Variants in FHIP1A observed in about 807,000 individuals in gnomAD.
FHIP1A encodes FHF complex subunit HOOK-interacting protein 1A.
FHIP1A carries 61 observed loss-of-function variants against 88.6 expected under a neutral mutation model. The observed-to-expected ratio is 0.69, with a 90% CI of 0.56 to 0.85. The LOEUF is 0.85. Among genes scored for constraint, FHIP1A ranks in the 40% least tolerant of loss-of-function variants. FHIP1A has a pLI of 0.00. For missense variants in FHIP1A, 1,154 were observed against 1,273.5 expected, an observed-to-expected ratio of 0.91 and a Z score of 1.43; for synonymous variants, 478 against 496.0, an observed-to-expected ratio of 0.96 and a Z score of 0.48.
chr4:151,635,103 T>C (rs1736300138), intron 8 of FHIP1A, among the ~76,000 whole-genome samples: 2 of 151,802 alleles, frequency 1.3e-5, no homozygotes, highest in Non-Finnish European at 3.0e-5. Flanking sequence ...AATATTTCTA[T>C]GAAGAAGACT....
At chr4:151,613,615 G>A (rs1184664779) in intron 7 of FHIP1A, among the ~76,000 whole-genome samples, 1 of 152,316 alleles carries the variant, frequency 6.6e-6, no homozygotes, top group East Asian at 1.9e-4. Flanking sequence ...CTCCATCAGT[G>A]AAATATCTTA....
rs56199696 is a variant in FHIP1A at position 151,445,849 on chromosome 4, AAT to A, written c.-355-8829_-355-8828del. On this transcript the variant is annotated intron_variant, in intron 1 of 13. Coordinates refer to ENST00000435205, the MANE Select transcript of FHIP1A (RefSeq NM_001109977.3). ...CAGCCTGAGAGACCTCATCTCTTAA[AAT>A]ATATATATATATATATATATATTTC... 2.2e-3 allele frequency among the ~76,000 whole-genome samples: 217 copies of A among 97,936 alleles called. 9 individuals carry two copies. Among genetic ancestry groups the A allele is most frequent in the Middle Eastern group, 0.019 (4 of 206 alleles). 64.2% of individuals were successfully genotyped at this position (97,936 alleles called of 152,430 possible).
intron 3 of FHIP1A, among the ~76,000 whole-genome samples, chr4:151,519,133 A>T (rs971744709): frequency 6.6e-6 from 1 of 152,180 alleles, no homozygotes; most frequent in African/African-American, 2.4e-5. Context: ...ATATTTGCTG[A>T]ATTTTAATAA....
At chr4:151,571,169 C>CT (rs1403526908) in intron 4 of FHIP1A, among the ~76,000 whole-genome samples, 1 of 152,216 alleles carries the variant, frequency 6.6e-6, no homozygotes, top group African/African-American at 2.4e-5. Flanking sequence ...CTATCTGCTC[C>CT]TTTCAAGCAT....
At chr4:151,426,341 A>G (rs1580550213) in intron 1 of FHIP1A, among the ~76,000 whole-genome samples, 1 of 152,184 alleles carries the variant, frequency 6.6e-6, no homozygotes, top group South Asian at 2.1e-4. Context: ...GATAAATGCA[A>G]CGCTTAATTT....
intron 7 of FHIP1A, among the ~76,000 whole-genome samples, chr4:151,628,426 C>T (rs2126875173): frequency 6.6e-6 from 1 of 152,058 alleles, no homozygotes; most frequent in Middle Eastern, 3.4e-3. Context: ...GATGCATCCA[C>T]TCAGGGCTCA....
At chr4:151,588,767 A>G (rs1734313039) in intron 6 of FHIP1A, 73 bp from the exon 7 acceptor site, 1 of 975,568 alleles carries the variant, frequency 1.0e-6, no homozygotes, top group Non-Finnish European at 1.6e-6. Context: ...CAGGATGTAC[A>G]CAGAATTGTT....
At chr4:151,624,938 G>A (rs1481459493) in intron 7 of FHIP1A, among the ~76,000 whole-genome samples, 10 of 152,156 alleles carry the variant, frequency 6.6e-5, no homozygotes, top group Admixed American at 1.3e-4. Flanking sequence ...GAACCAGGGC[G>A]TCTGTCTTCC....
At chr4:151,417,065 G>A (rs1182868105) in intron 1 of FHIP1A, among the ~76,000 whole-genome samples, 1 of 152,162 alleles carries the variant, frequency 6.6e-6, no homozygotes, top group Non-Finnish European at 1.5e-5. Context: ...TGTTACCAGT[G>A]GAGGGTGTGC....
intron 1 of FHIP1A, among the ~76,000 whole-genome samples, chr4:151,449,886 T>A (rs1728733467): frequency 6.6e-6 from 1 of 152,224 alleles, no homozygotes; most frequent in Non-Finnish European, 1.5e-5. Context: ...GTATTTTTTT[T>A]AAACTTGAGT....
intron 7 of FHIP1A, among the ~76,000 whole-genome samples, chr4:151,611,191 G>C (rs979637914): frequency 6.6e-6 from 1 of 152,062 alleles, no homozygotes; most frequent in Non-Finnish European, 1.5e-5. Flanking sequence ...AGGTGGCATG[G>C]AGTGGGAGAA....
chr4:151,646,818 C>T, intron 10 of FHIP1A, 70 bp downstream of exon 10: 1 of 1,061,742 alleles, frequency 9.4e-7, no homozygotes, highest in Non-Finnish European at 1.4e-6. Flanking sequence ...GATATGTGTC[C>T]CTTTGGGTAG....
intron 4 of FHIP1A, among the ~76,000 whole-genome samples, chr4:151,573,959 A>G (rs1258474830): frequency 6.6e-6 from 1 of 152,248 alleles, no homozygotes; most frequent in Non-Finnish European, 1.5e-5. Flanking sequence ...TTGGCATTTC[A>G]GTGCAAATTG....
At chr4:151,596,314 CT>C (rs1445898006) in intron 7 of FHIP1A, among the ~76,000 whole-genome samples, 1 of 152,062 alleles carries the variant, frequency 6.6e-6, no homozygotes, top group Non-Finnish European at 1.5e-5. Context: ...GAAATTCTGG[CT>C]TGAAAATTCT....
At chr4:151,454,292 T>C (rs1358641319) in intron 1 of FHIP1A, among the ~76,000 whole-genome samples, 2 of 152,290 alleles carry the variant, frequency 1.3e-5, no homozygotes, top group Non-Finnish European at 2.9e-5. Context: ...TCAAGAGCCA[T>C]TGGAGTTATT....
intron 3 of FHIP1A, among the ~76,000 whole-genome samples, chr4:151,516,710 A>G (rs1731252077): frequency 6.6e-6 from 1 of 152,230 alleles, no homozygotes; most frequent in East Asian, 1.9e-4. Flanking sequence ...AATGCTCACC[A>G]TTACTGGCTA....
Position 151,649,618 on chromosome 4 carries a change from A to C in FHIP1A, c.1577A>C (p.Asp526Ala), listed in dbSNP as rs1426954413. The part of the protein sequence containing the change: ...RDCRVWSALY[D>A]GDSPDPEMFL... ...TGCCGTGTCTGGTCCGCCCTGTATG[A>C]TGGCGACTCCCCCGACCCTGAGATG... The change falls in exon 11 of 14, where the codon GAT (aspartate) becomes GCT (alanine). Residue 526 changes from aspartate (D) to alanine (A), a missense_variant. Asp to Ala is a moderately radical substitution (Grantham distance 126). Transcript: ENST00000435205. 6.4e-7 allele frequency: 1 copy of C among 1,551,554 alleles called. No individual in the cohort carries two copies. The highest frequency in any genetic ancestry group is 1.4e-5 in the African/African-American group (1 of 73,032).
At chr4:151,580,485 G>A (rs1733979982) in intron 5 of FHIP1A, among the ~76,000 whole-genome samples, 1 of 152,196 alleles carries the variant, frequency 6.6e-6, no homozygotes, top group South Asian at 2.1e-4. Flanking sequence ...AGTGGTAACT[G>A]TGTTGTCAAG....
Position 151,654,258 on chromosome 4 carries a change from A to T in FHIP1A, c.2552-1974A>T, listed in dbSNP as rs532001652. Among the ~76,000 whole-genome samples the T allele has an allele frequency of 4.1e-4, 62 of 152,262 alleles. No individual in the cohort carries two copies. The Middle Eastern group carries it at 0.01, about 25-fold the overall frequency. On this transcript the variant is annotated intron_variant, in intron 11 of 13. Coordinates refer to ENST00000435205, the MANE Select transcript of FHIP1A (RefSeq NM_001109977.3). ...GGCCTTGACCTAATGATATTCCGTC[A>T]TTCACCTAGGTCAGTGATGACATGA...
Sources: allele counts gnomAD v4.1 joint callset (sites outside exome capture counted in the v4.1 genomes callset), GRCh38; gene constraint gnomAD v4.1.1; transcripts MANE v1.5; gene names NCBI Gene and HGNC (gene_info 2026-07-23, HGNC 2026-07-21).